The following KRT6A variants were observed in gnomAD, a reference collection of about 807,000 sequenced individuals.
KRT6A encodes the protein keratin, type II cytoskeletal 6A.
A neutral mutation model predicts 48.6 loss-of-function variants in KRT6A; 28 were observed. That is an observed-to-expected ratio of 0.58 (90% CI 0.43 to 0.79). The LOEUF is 0.79. Ranked by LOEUF, KRT6A falls within the 30% of genes least tolerant of loss-of-function variation. The pLI is 0.00. For synonymous variants in KRT6A, 301 were observed against 294.2 expected (o/e 1.02, Z -0.24); for missense variants, 687 against 724.3 (o/e 0.95, Z 0.59).
chr12:52,490,707 G>A lies in KRT6A; in HGVS notation c.939C>T (p.Ile313=). ...DAELSQMQTH[I]SDTSVVLSMD... is the part of the protein sequence containing the mutation. Reference sequence around the variant, plus strand: ...TGGACAGCACCACAGATGTGTCTGAGATGTGGGTCTGCATCTGGGACAGCT... The same window carrying A: ...TGGACAGCACCACAGATGTGTCTGAAATGTGGGTCTGCATCTGGGACAGCT... The change falls in exon 5 of 9, where the codon ATC becomes ATT. Residue 313 remains isoleucine (I), a synonymous_variant. Coordinates refer to ENST00000330722, the MANE Select transcript of KRT6A (RefSeq NM_005554.4). The A allele has an allele frequency of 6.2e-7, 1 of 1,614,248 alleles. No homozygotes were observed. Among genetic ancestry groups the A allele is most frequent in the Non-Finnish European group, 8.5e-7 (1 of 1,180,042 alleles).
In KRT6A at chr12:52,488,095, C is replaced by T. The variant is rs1938181577; in HGVS notation, c.1433G>A (p.Gly478Asp). ...LLEGEECRLN[G>D]EGVGQVNISV... ...GATGTTGACTTGTCCAACGCCTTCG[C>T]CATTCAGCCTGTGGAGAGGAACACA... Residue 478 changes from glycine to aspartate, a missense_variant, in exon 8 of 9, where the codon GGC becomes GAC. Physicochemically the swap from Gly to Asp is moderately conservative, Grantham distance 94. Transcript: ENST00000330722. 1 of 1,613,964 alleles carries T rather than the reference C, an allele frequency of 6.2e-7. No homozygotes were observed. The highest frequency in any genetic ancestry group is 8.5e-7 in the Non-Finnish European group (1 of 1,179,898).
At chr12:52,490,260 C>A in intron 5 of KRT6A, 192 bp from the exon 6 acceptor site, 1 of 1,124,714 alleles carries the variant, frequency 8.9e-7, no homozygotes. Context: ...ATTATGGCAC[C>A]ACTGCCTGCC....
At chr12:52,491,809 G>T (rs1938271744) in intron 1 of KRT6A, 73 bp from the exon 2 acceptor site, 6 of 1,582,498 alleles carry the variant, frequency 3.8e-6, no homozygotes, top group East Asian at 2.3e-5. Context: ...CGGTTTCCTG[G>T]CAGGTCCGGG....
chr12:52,488,062 T>C lies in KRT6A; in HGVS notation c.1459+7A>G, dbSNP rs201148499. 6.5e-4 allele frequency: 1,047 copies of C among 1,613,976 alleles called. 4 individuals are homozygous for C. Among genetic ancestry groups the C allele is most frequent in the South Asian group, 9.8e-4 (89 of 91,056 alleles). On this transcript the variant is annotated splice_region_variant and intron_variant, in intron 8 of 8. Coordinates refer to ENST00000330722, the MANE Select transcript of KRT6A (RefSeq NM_005554.4). ...GGCAGGGGAGGAAGGCAAGCAAAGGTACTTACAGATGTTGACTTGTCCAAC... is the reference window on the plus strand; with the variant it reads ...GGCAGGGGAGGAAGGCAAGCAAAGGCACTTACAGATGTTGACTTGTCCAAC...
rs542426806 is a variant in KRT6A at position 52,493,051 on chromosome 12, G to A, written c.138C>T (p.Gly46=). 2.5e-6 allele frequency: 4 copies of A among 1,612,696 alleles called. No individual in the cohort carries two copies. Among genetic ancestry groups the A allele is most frequent in the Admixed American group, 3.3e-5 (2 of 60,018 alleles). The change falls in exon 1 of 9, where the codon GGC becomes GGT. Residue 46 remains glycine, a synonymous_variant. Transcript: ENST00000330722. The part of the protein sequence containing the change: ...VSVSRSRGSG[G]LGGACGGAGF... ...CAGCTCCTCCACATGCACCACCCAG[G>A]CCACCACTGCCCCTGGAGCGGGACA...
chr12:52,489,374 G>A (rs1938211335), intron 6 of KRT6A, among the ~76,000 whole-genome samples: 1 of 152,106 alleles, frequency 6.6e-6, no homozygotes, highest in Admixed American at 6.5e-5. Context: ...CACCTCCCAG[G>A]CTCAAGCGAT....
Position 52,492,791 on chromosome 12 carries a change from C to A in KRT6A, c.398G>T (p.Gly133Val). Reference sequence around the variant, plus strand: ...GTTGACGGTGACCTCTTGGATGCCTCCAGGGGGGCACACAGGGAAGCCAGG... The same window carrying A: ...GTTGACGGTGACCTCTTGGATGCCTACAGGGGGGCACACAGGGAAGCCAGG... The part of the protein sequence containing the change: ...GGPGFPVCPP[G>V]GIQEVTVNQS... Residue 133 changes from glycine (G) to valine (V), a missense_variant, in exon 1 of 9, where the codon GGA becomes GTA. This residue lies in a region of KRT6A where 566 missense variants were observed against 565.3 expected (regional missense o/e 1.00). Coordinates refer to ENST00000330722, the MANE Select transcript of KRT6A (RefSeq NM_005554.4). The A allele has an allele frequency of 6.2e-7, 1 of 1,613,616 alleles. No homozygotes were observed. Among genetic ancestry groups the A allele is most frequent in the Non-Finnish European group, 8.5e-7 (1 of 1,179,854 alleles).
At position 52,487,680 on chromosome 12, in the gene KRT6A, G is replaced by A. The variant is rs1237196809; in HGVS notation, c.*40C>T. 1 of 1,613,672 alleles carries A rather than the reference G, an allele frequency of 6.2e-7. No individual in the cohort carries two copies. Among genetic ancestry groups the A allele is most frequent in the Non-Finnish European group, 8.5e-7 (1 of 1,179,688 alleles). ...AGGAGAGGGCTCTGCAGCCAGAGAG[G>A]GGCCTGAGGACTGTGGGACCGAGAG... On this transcript the variant is annotated 3_prime_UTR_variant, in exon 9 of 9. Coordinates refer to ENST00000330722, the MANE Select transcript of KRT6A (RefSeq NM_005554.4).
At chr12:52,492,150 G>T (rs914967581) in intron 1 of KRT6A, among the ~76,000 whole-genome samples, 5 of 152,174 alleles carry the variant, frequency 3.3e-5, no homozygotes, top group East Asian at 1.9e-4. Context: ...TCCCATTTGT[G>T]CAAGTCTCTC....
chr12:52,490,698 T>C lies in KRT6A; in HGVS notation c.948A>G (p.Thr316=). ...TGTTGTCCATGGACAGCACCACAGA[T>C]GTGTCTGAGATGTGGGTCTGCATCT... is the stretch of plus-strand genomic sequence containing the variant. ...LSQMQTHISD[T]SVVLSMDNNR... is the part of the protein sequence containing the mutation. The change falls in exon 5 of 9, where the codon ACA becomes ACG. Residue 316 remains threonine (T), a synonymous_variant. Coordinates refer to ENST00000330722, the MANE Select transcript of KRT6A (RefSeq NM_005554.4). 2 of 1,614,226 alleles carry C rather than the reference T, an allele frequency of 1.2e-6. No homozygotes were observed. Among genetic ancestry groups the C allele is most frequent in the South Asian group, 1.1e-5 (1 of 91,080 alleles).
At chr12:52,489,818 G>C in intron 6 of KRT6A, 125 bp downstream of exon 6, 1 of 1,520,414 alleles carries the variant, frequency 6.6e-7, no homozygotes, top group South Asian at 1.2e-5. Context: ...ACTAAGGGTA[G>C]GAAATGATAG....
rs369674600 is a variant in KRT6A at position 52,488,093 on chromosome 12, C to T, written c.1435G>A (p.Glu479Lys). The T allele has an allele frequency of 2.1e-5, 34 of 1,613,860 alleles. No homozygotes were observed. Among genetic ancestry groups the T allele is most frequent in the Middle Eastern group, 1.6e-4 (1 of 6,078 alleles). The change falls in exon 8 of 9, where the codon GAA (glutamate) becomes AAA (lysine). Residue 479 changes from glutamate to lysine, a missense_variant. Glu to Lys is a moderately conservative substitution (Grantham distance 56). Around this residue, in one of 3 missense-constraint regions of KRT6A, gnomAD observed 566 missense variants for 565.3 expected, o/e 1.00. Transcript: ENST00000330722. Reference sequence around the variant, plus strand: ...CAGATGTTGACTTGTCCAACGCCTTCGCCATTCAGCCTGTGGAGAGGAACA... The same window carrying T: ...CAGATGTTGACTTGTCCAACGCCTTTGCCATTCAGCCTGTGGAGAGGAACA... ...LEGEECRLNG[E>K]GVGQVNISVV...
At chr12:52,488,837 T>A (rs1592184395) in intron 6 of KRT6A, among the ~76,000 whole-genome samples, 1 of 152,182 alleles carries the variant, frequency 6.6e-6, no homozygotes, top group African/African-American at 2.4e-5. Flanking sequence ...TACCTGCTGG[T>A]TTGTTTGGAG....
intron 6 of KRT6A, 107 bp downstream of exon 6, chr12:52,489,836 T>A: frequency 4.4e-6 from 7 of 1,575,904 alleles, no homozygotes; most frequent in Non-Finnish European, 5.2e-6. Flanking sequence ...TAGCCTCCTC[T>A]CCCTGGTTTT....
chr12:52,491,816 C>T lies in KRT6A; in HGVS notation c.541-80G>A, dbSNP rs532754369. 421 of 1,567,202 alleles carry T rather than the reference C, an allele frequency of 2.7e-4. No individual in the cohort carries two copies. The African/African-American group carries it at 4.8e-3, about 18-fold the overall frequency. ...CTGGTATCCGGTTTCCTGGCAGGTC[C>T]GGGAGGTTCCCATGGTGCTGGGCTA... On this transcript the variant is annotated intron_variant, in intron 1 of 8. Coordinates refer to ENST00000330722, the MANE Select transcript of KRT6A (RefSeq NM_005554.4).
At position 52,493,131 on chromosome 12, in the gene KRT6A, C is replaced by T; in HGVS notation, c.58G>A (p.Ala20Thr). The T allele has an allele frequency of 3.7e-6, 6 of 1,614,090 alleles. No homozygotes were observed. The highest frequency in any genetic ancestry group is 5.1e-6 in the Non-Finnish European group (6 of 1,180,038). ...ACCCCAGGGAGCCTGGCTGAGTTGG[C>T]ACTGAAACCCCGGCGGCTGCTGCTG... ...SHSSSRRGFS[A>T]NSARLPGVSR... Residue 20 changes from alanine to threonine, a missense_variant, in exon 1 of 9, where the codon GCC becomes ACC. Around this residue, in one of 3 missense-constraint regions of KRT6A, gnomAD observed 72 missense variants for 61.8 expected, o/e 1.17. Transcript: ENST00000330722.
Position 52,487,633 on chromosome 12 carries a change from C to T in KRT6A, c.*87G>A. On this transcript the variant is annotated 3_prime_UTR_variant, in exon 9 of 9. Transcript: ENST00000330722. ...CTGGGACAGCAGGGGAGACTGGAGG[C>T]CAGGAGAGGAAAGGCAACCTGAGGA... The T allele has an allele frequency of 6.4e-7, 1 of 1,555,882 alleles. No individual in the cohort carries two copies. Among genetic ancestry groups the T allele is most frequent in the Non-Finnish European group, 8.8e-7 (1 of 1,132,064 alleles).
chr12:52,490,740 A>G lies in KRT6A; in HGVS notation c.913-7T>C. On this transcript the variant is annotated splice_polypyrimidine_tract_variant and splice_region_variant and intron_variant, in intron 4 of 8. Transcript: ENST00000330722. Reference sequence around the variant, plus strand: ...TCTGCATCTGGGACAGCTCCTGCAGAACAGAAGGTCATAAGATCAACTTCA... The same window carrying G: ...TCTGCATCTGGGACAGCTCCTGCAGGACAGAAGGTCATAAGATCAACTTCA... 6.2e-7 allele frequency: 1 copy of G among 1,614,166 alleles called. No homozygotes were observed. The highest frequency in any genetic ancestry group is 8.5e-7 in the Non-Finnish European group (1 of 1,179,988).
chr12:52,491,668 G>T lies in KRT6A; in HGVS notation c.609C>A (p.Thr203=), dbSNP rs1366320372. 3 of 1,614,154 alleles carry T rather than the reference G, an allele frequency of 1.9e-6. No homozygotes were observed. The highest frequency in any genetic ancestry group is 1.3e-5 in the African/African-American group (1 of 75,034). Residue 203 remains threonine (T), a synonymous_variant, in exon 2 of 9, where the codon ACC becomes ACA. Coordinates refer to ENST00000330722, the MANE Select transcript of KRT6A (RefSeq NM_005554.4). The stretch of plus-strand genomic sequence containing the variant: ...GCTCCAGGTTCTGCCTCACAGTCTT[G>T]GTGCCCTGCTCCTGCAGCAGGGTCC... ...TKWTLLQEQG[T]KTVRQNLEPL...
Sources: gnomAD v4.1 joint callset for allele counts (sites outside exome capture counted in the v4.1 genomes callset) on GRCh38, gnomAD v4.1.1 for gene constraint, gnomAD v4.1.1 regional missense constraint, MANE v1.5 for transcripts, NCBI Gene and HGNC (gene_info 2026-07-23, HGNC 2026-07-21) for gene names.